The following XYLT1 variants were observed in gnomAD, a reference collection of about 807,000 sequenced individuals.
The protein encoded by XYLT1 is xylosyltransferase 1.
A neutral mutation model predicts 91.3 loss-of-function variants in XYLT1; 36 were observed. That is an observed-to-expected ratio of 0.39 (90% CI 0.30 to 0.52). The LOEUF (loss-of-function observed/expected upper bound fraction) is 0.52, where lower values mean the gene tolerates loss of function less well. Among genes scored for constraint, XYLT1 ranks in the 20% least tolerant of loss-of-function variants. The probability of loss-of-function intolerance (pLI) is 0.68; values close to 1 mark genes in which losing one functional copy is unlikely to be tolerated. For synonymous variants in XYLT1, 588 were observed against 532.0 expected (o/e 1.11, Z -1.45); for missense variants, 1,242 against 1,284.5 (o/e 0.97, Z 0.51).
intron 1 of XYLT1, among the ~76,000 whole-genome samples, chr16:17,460,727 G>C (rs929462058): frequency 6.6e-6 from 1 of 152,096 alleles, no homozygotes; most frequent in Non-Finnish European, 1.5e-5. Context: ...CTGTATTGCC[G>C]GATCTTATGA....
chr16:17,166,187 G>A (rs4782023), intron 5 of XYLT1, among the ~76,000 whole-genome samples: 3 of 152,158 alleles, frequency 2.0e-5, no homozygotes, highest in South Asian at 2.1e-4. Context: ...GTCAAGCAAC[G>A]GGGTCAGGGC....
At chr16:17,151,626 T>A (rs561682064) in intron 6 of XYLT1, among the ~76,000 whole-genome samples, 1 of 152,244 alleles carries the variant, frequency 6.6e-6, no homozygotes, top group South Asian at 2.1e-4. Context: ...CAGTGGCACA[T>A]GTACCAGTTA....
chr16:17,448,736 G>T (rs55810364), intron 1 of XYLT1, among the ~76,000 whole-genome samples: 28,658 of 150,760 alleles, frequency 0.19, 3,259 homozygotes, highest in African/African-American at 0.31. Context: ...AAGGGGAGGA[G>T]GGTGGAGGAG....
At chr16:17,119,200 G>A (rs907280884) in intron 10 of XYLT1, among the ~76,000 whole-genome samples, 1 of 137,384 alleles carries the variant, frequency 7.3e-6, no homozygotes, top group Non-Finnish European at 1.6e-5. Flanking sequence ...AGGTGCTCGA[G>A]TAATGTTTGT....
At chr16:17,296,599 C>A in intron 2 of XYLT1, among the ~76,000 whole-genome samples, 1 of 152,192 alleles carries the variant, frequency 6.6e-6, no homozygotes, top group African/African-American at 2.4e-5. Flanking sequence ...GACATCAATG[C>A]CAGCAGGGGT....
chr16:17,317,883 C>T (rs2034659982), intron 2 of XYLT1, among the ~76,000 whole-genome samples: 1 of 152,162 alleles, frequency 6.6e-6, no homozygotes, highest in South Asian at 2.1e-4. Flanking sequence ...GGCATTTGCA[C>T]ACACTATTCC....
rs191475827 is a variant in XYLT1 at position 17,120,246 on chromosome 16, G to A, written c.2224-2267C>T. Among the ~76,000 whole-genome samples, 70 of 152,272 alleles carry A rather than the reference G, an allele frequency of 4.6e-4. 1 individual carries two copies. The highest frequency in any genetic ancestry group is 1.6e-3 in the African/African-American group (67 of 41,568). On this transcript the variant is annotated intron_variant, in intron 10 of 11. Transcript: ENST00000261381. ...CAGTTCAAGCTTCAAGGTCTTAGAG[G>A]TTTTTCTAAAGAAACCCGATTTCTA... is the stretch of plus-strand genomic sequence containing the variant.
chr16:17,143,351 A>G (rs1249780508), intron 6 of XYLT1, among the ~76,000 whole-genome samples: 1 of 152,028 alleles, frequency 6.6e-6, no homozygotes, highest in Non-Finnish European at 1.5e-5. Flanking sequence ...GTGCTGGCCC[A>G]TGGTACAGGT....
intron 1 of XYLT1, among the ~76,000 whole-genome samples, chr16:17,393,562 T>C (rs2035846844): frequency 1.3e-5 from 2 of 152,092 alleles, no homozygotes; most frequent in South Asian, 2.1e-4. Context: ...CTGTCATATC[T>C]CAATGTAGAT....
chr16:17,357,792 A>G (rs1210333143), intron 2 of XYLT1, among the ~76,000 whole-genome samples: 2 of 152,240 alleles, frequency 1.3e-5, no homozygotes, highest in African/African-American at 4.8e-5. Flanking sequence ...GGGGCACCAG[A>G]CACCTGGGTG....
intron 2 of XYLT1, among the ~76,000 whole-genome samples, chr16:17,339,336 T>C (rs145083873): frequency 2.6e-5 from 4 of 152,320 alleles, no homozygotes; most frequent in Admixed American, 6.5e-5. Context: ...TGCAGTAGTA[T>C]TAGCAACACC....
At chr16:17,156,944 CTT>C (rs71137977) in intron 6 of XYLT1, among the ~76,000 whole-genome samples, 69,265 of 147,324 alleles carry the variant, frequency 0.47, 16,705 homozygotes, top group Non-Finnish European at 0.53. Context: ...TCTAGGGTTA[CTT>C]TTTTTTTTTT....
chr16:17,273,709 T>C (rs2033929677), intron 2 of XYLT1, among the ~76,000 whole-genome samples: 1 of 151,824 alleles, frequency 6.6e-6, no homozygotes, highest in Non-Finnish European at 1.5e-5. Context: ...CCAGTTGTAG[T>C]GGTGGGTGCC....
chr16:17,318,182 G>A (rs895282196), intron 2 of XYLT1, among the ~76,000 whole-genome samples: 6 of 152,162 alleles, frequency 3.9e-5, no homozygotes, highest in South Asian at 4.1e-4. Context: ...AACACATAGC[G>A]GATGCTGAAT....
At chr16:17,192,849 G>A (rs1869217044) in intron 5 of XYLT1, 1 of 123,980 alleles carries the variant, frequency 8.1e-6, no homozygotes, top group African/African-American at 3.2e-5. Context: ...GTCTCAGTCT[G>A]TCACCCAGGC....
At chr16:17,279,626 G>A (rs2034027625) in intron 2 of XYLT1, among the ~76,000 whole-genome samples, 1 of 152,208 alleles carries the variant, frequency 6.6e-6, no homozygotes. Flanking sequence ...TACACTGTGG[G>A]CTAACTATTG....
intron 1 of XYLT1, chr16:17,369,537 C>A (rs967069184): frequency 6.6e-6 from 1 of 152,128 alleles, no homozygotes; most frequent in Non-Finnish European, 1.5e-5. Context: ...CATACCTTAC[C>A]CCTCCCCCAC....
intron 2 of XYLT1, among the ~76,000 whole-genome samples, chr16:17,316,334 C>A (rs546424078): frequency 1.3e-5 from 2 of 152,224 alleles, no homozygotes; most frequent in South Asian, 4.1e-4. Flanking sequence ...CATGCCTCCC[C>A]CTCCATGCAG....
At chr16:17,416,774 C>G in intron 1 of XYLT1, among the ~76,000 whole-genome samples, 1 of 152,198 alleles carries the variant, frequency 6.6e-6, no homozygotes, top group African/African-American at 2.4e-5. Context: ...CAAGCATCTG[C>G]ACCGTGGTGA....
Sources: gnomAD v4.1 joint callset for allele counts (sites outside exome capture counted in the v4.1 genomes callset) on GRCh38, gnomAD v4.1.1 for gene constraint, MANE v1.5 for transcripts, NCBI Gene and HGNC (gene_info 2026-07-23, HGNC 2026-07-21) for gene names.